The following ZFHX4 variants were observed in gnomAD, a reference collection of about 807,000 sequenced individuals.
ZFHX4 encodes the protein zinc finger homeobox 4, also known as zinc finger homeobox protein 4.
ZFHX4 carries 56 observed loss-of-function variants against 267.6 expected under a neutral mutation model. The ratio of observed to expected loss-of-function variants is 0.21; its 90% confidence interval spans 0.17 to 0.26. The LOEUF (loss-of-function observed/expected upper bound fraction) is 0.26, where lower values mean the gene tolerates loss of function less well. Among genes scored for constraint, ZFHX4 ranks in the 10% least tolerant of loss-of-function variants. The pLI is 1.00. For missense variants in ZFHX4, 4,332 were observed against 4,420.0 expected, an observed-to-expected ratio of 0.98 and a Z score of 0.56; for synonymous variants, 1,778 against 1,665.6, an observed-to-expected ratio of 1.07 and a Z score of -1.64.
In ZFHX4 at chr8:76,852,265, A is replaced by G; in HGVS notation, c.5344A>G (p.Ile1782Val). ...CTTGCTTGAAGACCTAAAGCAGCAG[A>G]TTCAAACCCAACATCACGTTGGTCA... Reference protein sequence around the residue: ...GSLLEDLKQQIQTQHHVGQTQ... With the variant: ...GSLLEDLKQQVQTQHHVGQTQ... Residue 1782 changes from isoleucine (I) to valine (V), a missense_variant, in exon 10 of 11, where the codon ATT becomes GTT. Coordinates refer to ENST00000651372, the MANE Select transcript of ZFHX4 (RefSeq NM_024721.5). The G allele has an allele frequency of 6.3e-7, 1 of 1,591,280 alleles. No homozygotes were observed. The highest frequency in any genetic ancestry group is 8.6e-7 in the Non-Finnish European group (1 of 1,167,476).
At chr8:76,862,478 T>C (rs1354644423) in intron 10 of ZFHX4, among the ~76,000 whole-genome samples, 3 of 152,232 alleles carry the variant, frequency 2.0e-5, no homozygotes, top group South Asian at 4.1e-4. Flanking sequence ...TCAGTCCTAG[T>C]AATGAATGGC....
intron 4 of ZFHX4, among the ~76,000 whole-genome samples, chr8:76,787,621 T>G (rs1585944845): frequency 3.3e-5 from 4 of 122,432 alleles, no homozygotes; most frequent in Admixed American, 9.6e-5. Flanking sequence ...GCTAACACGG[T>G]GAAACCCCAT....
At chr8:76,699,166 G>A (rs191978989) in intron 1 of ZFHX4, among the ~76,000 whole-genome samples, 59 of 152,204 alleles carry the variant, frequency 3.9e-4, no homozygotes, top group Non-Finnish European at 7.6e-4. Context: ...TACGCAGATT[G>A]CATTTACTTT....
intron 1 of ZFHX4, among the ~76,000 whole-genome samples, chr8:76,689,095 G>A (rs572509790): frequency 8.6e-5 from 13 of 151,920 alleles, no homozygotes; most frequent in Non-Finnish European, 1.5e-4. Context: ...ATTCTGGATT[G>A]TTTCAGAAAC....
At chr8:76,687,061 A>C (rs994111493) in intron 1 of ZFHX4, among the ~76,000 whole-genome samples, 12 of 152,224 alleles carry the variant, frequency 7.9e-5, no homozygotes, top group Non-Finnish European at 1.6e-4. Flanking sequence ...AATTATATTA[A>C]CATATGCAAA....
intron 4 of ZFHX4, among the ~76,000 whole-genome samples, chr8:76,820,894 T>C (rs1442909161): frequency 3.3e-5 from 5 of 152,072 alleles, no homozygotes; most frequent in Admixed American, 2.6e-4. Flanking sequence ...AGGCAATGGG[T>C]GTGTATTATA....
At chr8:76,775,739 C>A (rs192617174) in intron 3 of ZFHX4, among the ~76,000 whole-genome samples, 1 of 151,990 alleles carries the variant, frequency 6.6e-6, no homozygotes, top group African/African-American at 2.4e-5. Context: ...ATAATAGGAG[C>A]CTTGCTGTTC....
chr8:76,835,227 A>ATATGTATATATATG (rs1554572149), intron 5 of ZFHX4, among the ~76,000 whole-genome samples: 1 of 59,086 alleles, frequency 1.7e-5, no homozygotes, highest in East Asian at 4.3e-4. Context: ...ATGTATATAT[A>ATATGTATATATATG]TATATATATA....
intron 1 of ZFHX4, among the ~76,000 whole-genome samples, chr8:76,695,781 T>C (rs1178177407): frequency 6.6e-6 from 1 of 152,212 alleles, no homozygotes. Flanking sequence ...CTTTGAGTAT[T>C]TGTCGTCAAA....
Position 76,852,551 on chromosome 8 carries a change from A to G in ZFHX4, c.5630A>G (p.Glu1877Gly). Residue 1877 changes from glutamate to glycine, a missense_variant, in exon 10 of 11, where the codon GAA becomes GGA. By Grantham distance (98) the Glu-to-Gly change is moderately conservative. Transcript: ENST00000651372. ...AAGCAGGAATTTATAAGTGAAGGTG[A>G]AGGACTCAAAGAAGGCAAAGACACA... The part of the protein sequence containing the change: ...KPKQEFISEG[E>G]GLKEGKDTKK... 6.2e-7 allele frequency: 1 copy of G among 1,610,952 alleles called. No homozygotes were observed. Among genetic ancestry groups the G allele is most frequent in the Non-Finnish European group, 8.5e-7 (1 of 1,178,362 alleles).
intron 3 of ZFHX4, among the ~76,000 whole-genome samples, chr8:76,709,579 T>C (rs1808368883): frequency 1.3e-5 from 2 of 152,154 alleles, no homozygotes; most frequent in South Asian, 2.1e-4. Flanking sequence ...CTGGGAGCTA[T>C]ATAGAATATT....
At chr8:76,701,965 C>T (rs1808117378) in intron 1 of ZFHX4, among the ~76,000 whole-genome samples, 1 of 152,106 alleles carries the variant, frequency 6.6e-6, no homozygotes, top group Non-Finnish European at 1.5e-5. Flanking sequence ...TTCTGACTCC[C>T]TCATTTCCTT....
chr8:76,802,039 A>C (rs904614912), intron 4 of ZFHX4, among the ~76,000 whole-genome samples: 4 of 152,136 alleles, frequency 2.6e-5, no homozygotes, highest in Non-Finnish European at 4.4e-5. Context: ...AGGCATTTTA[A>C]AAGTAGAAGT....
At chr8:76,742,894 A>AGCC (rs1389834998) in intron 3 of ZFHX4, among the ~76,000 whole-genome samples, 2 of 152,148 alleles carry the variant, frequency 1.3e-5, no homozygotes, top group Admixed American at 6.5e-5. Flanking sequence ...ACATCTTACA[A>AGCC]GCCACTTTTT....
In ZFHX4 at chr8:76,759,272, T is replaced by TA. The variant is rs201480322; in HGVS notation, c.3094-18928dup. 5.0e-3 allele frequency among the ~76,000 whole-genome samples: 757 copies of TA among 152,212 alleles called. 13 individuals carry two copies. The highest frequency in any genetic ancestry group is 0.017 in the African/African-American group (699 of 41,544). The stretch of plus-strand genomic sequence containing the variant: ...ACATGATTTTATAAAGTAAAGGTGA[T>TA]AAAAAAAATCTATTCCCCCGTTTGC... On this transcript the variant is annotated intron_variant, in intron 3 of 10. Coordinates refer to ENST00000651372, the MANE Select transcript of ZFHX4 (RefSeq NM_024721.5).
intron 3 of ZFHX4, among the ~76,000 whole-genome samples, chr8:76,723,502 A>C (rs1490883529): frequency 6.6e-6 from 1 of 151,910 alleles, no homozygotes; most frequent in African/African-American, 2.4e-5. Flanking sequence ...ATAAACAGGA[A>C]GCAGAGTAAA....
Position 76,705,915 on chromosome 8 carries a change from G to A in ZFHX4, c.1827G>A (p.Pro609=), listed in dbSNP as rs762640088. 16 of 1,613,606 alleles carry A rather than the reference G, an allele frequency of 9.9e-6. No individual in the cohort carries two copies. Among genetic ancestry groups the A allele is most frequent in the East Asian group, 6.7e-5 (3 of 44,846 alleles). ...CAGGGCCTGGAGGAGACGGCTCACCGGGCAGTGGCATCGAGTGTCCAAAGT... is the reference window on the plus strand; with the variant it reads ...CAGGGCCTGGAGGAGACGGCTCACCAGGCAGTGGCATCGAGTGTCCAAAGT... ...GTPGPGGDGS[P]GSGIECPKCD... is the part of the protein sequence containing the mutation. The change falls in exon 2 of 11, where the codon CCG becomes CCA. Residue 609 remains proline (P), a synonymous_variant. Transcript: ENST00000651372.
chr8:76,683,092 G>A (rs1807587774), intron 1 of ZFHX4: 1 of 152,286 alleles, frequency 6.6e-6, no homozygotes, highest in Non-Finnish European at 1.5e-5. Flanking sequence ...CGCTCGGGCT[G>A]GGGTCCGGCC....
chr8:76,701,040 A>G (rs112034663), intron 1 of ZFHX4, among the ~76,000 whole-genome samples: 1 of 152,134 alleles, frequency 6.6e-6, no homozygotes, highest in African/African-American at 2.4e-5. Flanking sequence ...GGTCACTTTG[A>G]TAAAAGAAAG....
Sources: gnomAD v4.1 joint callset for allele counts (sites outside exome capture counted in the v4.1 genomes callset) on GRCh38, gnomAD v4.1.1 for gene constraint, MANE v1.5 for transcripts, NCBI Gene and HGNC (gene_info 2026-07-23, HGNC 2026-07-21) for gene names.